The following TERB1 variants were observed in gnomAD, a reference collection of about 807,000 sequenced individuals.
TERB1 encodes the protein telomere repeat binding bouquet formation protein 1, also known as telomere repeats-binding bouquet formation protein 1.
In TERB1, 63 loss-of-function variants were observed where a neutral mutation model predicts 92.3. That is an observed-to-expected ratio of 0.68 (90% confidence interval 0.56 to 0.84). The LOEUF (loss-of-function observed/expected upper bound fraction) is 0.84, where lower values mean the gene tolerates loss of function less well. Among genes scored for constraint, TERB1 ranks in the 40% least tolerant of loss-of-function variants. The probability of loss-of-function intolerance (pLI) is 0.00; values close to 1 mark genes in which losing one functional copy is unlikely to be tolerated. For synonymous variants in TERB1, 252 were observed against 283.9 expected (o/e 0.89, Z 1.13); for missense variants, 709 against 843.7 (o/e 0.84, Z 1.98).
At position 66,775,237 on chromosome 16, in the gene TERB1, T is replaced by C. The variant is rs1232579470; in HGVS notation, c.992A>G (p.Asn331Ser). The C allele has an allele frequency of 1.3e-6, 2 of 1,550,342 alleles. No homozygotes were observed. Among genetic ancestry groups the C allele is most frequent in the Non-Finnish European group, 1.7e-6 (2 of 1,145,994 alleles). The change falls in exon 12 of 19, where the codon AAT (asparagine) becomes AGT (serine). Residue 331 changes from asparagine (N) to serine (S), a missense_variant. Asn to Ser is a conservative substitution (Grantham distance 46). Coordinates refer to ENST00000433154, the MANE Select transcript of TERB1 (RefSeq NM_001136505.2). ...LGHCTEDCEE[N>S]QYDLFKNNGL... ...ATTGTTTTTAAAAAGGTCATACTGA[T>C]TTTCCTCTGGAAAACATAAACAAAG...
chr16:66,799,856 A>G (rs372116435), intron 2 of TERB1, among the ~76,000 whole-genome samples: 2 of 152,328 alleles, frequency 1.3e-5, no homozygotes, highest in East Asian at 3.9e-4. Context: ...AATTTAGTGA[A>G]TATATGTACT....
chr16:66,754,915 T>C lies in TERB1; in HGVS notation c.*61A>G. On this transcript the variant is annotated 3_prime_UTR_variant, in exon 19 of 19. Transcript: ENST00000433154. ...TGAGAGTTTAGAAAAATACTTTAAA[T>C]GTATCTTTCAAGGCACTGTATTTTA... 1 of 1,368,912 alleles carries C rather than the reference T, an allele frequency of 7.3e-7. No individual in the cohort carries two copies. 84.8% of individuals were successfully genotyped at this position (1,368,912 alleles called of 1,614,324 possible).
chr16:66,782,087 CT>C (rs1364319600), intron 9 of TERB1, among the ~76,000 whole-genome samples: 1 of 152,152 alleles, frequency 6.6e-6, no homozygotes. Context: ...TTTTTGTATA[CT>C]GTATAAGGGT....
chr16:66,767,554 G>T (rs573306377), intron 15 of TERB1, 44 bp from the exon 16 acceptor site: 4 of 859,012 alleles, frequency 4.7e-6, no homozygotes, highest in African/African-American at 1.8e-5. Flanking sequence ...TTAATGAAAA[G>T]AATCAGATAT....
Position 66,775,152 on chromosome 16 carries a change from A to C in TERB1, c.1077T>G (p.Ala359=), listed in dbSNP as rs1371583635. Reference sequence around the variant, plus strand: ...TGCAGTTGTGAAGCACAAATGTGGCAGCTTTGTTCAGTTCCTCATTCTGCG... The same window carrying C: ...TGCAGTTGTGAAGCACAAATGTGGCCGCTTTGTTCAGTTCCTCATTCTGCG... The part of the protein sequence containing the change: ...TESQNEELNK[A]ATFVLHNCKK... Residue 359 remains alanine, a synonymous_variant, in exon 12 of 19, where the codon GCT becomes GCG. Coordinates refer to ENST00000433154, the MANE Select transcript of TERB1 (RefSeq NM_001136505.2). The C allele has an allele frequency of 1.3e-6, 2 of 1,551,584 alleles. No homozygotes were observed. Among genetic ancestry groups the C allele is most frequent in the Non-Finnish European group, 1.7e-6 (2 of 1,146,980 alleles).
intron 14 of TERB1, 102 bp from the exon 15 acceptor site, chr16:66,768,270 C>T: frequency 1.2e-6 from 1 of 844,166 alleles, no homozygotes; most frequent in Non-Finnish European, 1.9e-6. Flanking sequence ...GTTTGGTGGG[C>T]AAAAGCAACC....
chr16:66,787,828 G>A (rs1407738515), intron 6 of TERB1, among the ~76,000 whole-genome samples: 1 of 152,186 alleles, frequency 6.6e-6, no homozygotes, highest in East Asian at 1.9e-4. Context: ...GCCGGGAGCA[G>A]TGGCTCACGC....
At chr16:66,799,505 G>A in intron 2 of TERB1, among the ~76,000 whole-genome samples, 1 of 152,152 alleles carries the variant, frequency 6.6e-6, no homozygotes, top group East Asian at 1.9e-4. Flanking sequence ...TGGGGTTACA[G>A]GTGTGAGCCA....
intron 9 of TERB1, among the ~76,000 whole-genome samples, chr16:66,785,123 G>A (rs2018706899): frequency 6.6e-6 from 1 of 151,206 alleles, no homozygotes; most frequent in South Asian, 2.1e-4. Flanking sequence ...GGGCTCACGC[G>A]ATTCTCCTGC....
intron 2 of TERB1, 86 bp downstream of exon 2, chr16:66,800,891 C>T (rs770664678): frequency 6.6e-6 from 1 of 152,304 alleles, no homozygotes; most frequent in Non-Finnish European, 1.5e-5. Context: ...CTCCCAGGTT[C>T]CACAGGTAAC....
At chr16:66,792,501 T>C (rs1448792566) in intron 3 of TERB1, among the ~76,000 whole-genome samples, 2 of 152,246 alleles carry the variant, frequency 1.3e-5, no homozygotes, top group Admixed American at 6.5e-5. Context: ...GCATACAACA[T>C]GATCTTCTAT....
chr16:66,755,529 C>CTT (rs2018123329), intron 18 of TERB1, among the ~76,000 whole-genome samples: 1 of 152,226 alleles, frequency 6.6e-6, no homozygotes, highest in Non-Finnish European at 1.5e-5. Context: ...AATCCCAGCA[C>CTT]TTTGGGAGGC....
chr16:66,793,130 T>C (rs1331911844), intron 3 of TERB1, among the ~76,000 whole-genome samples: 4 of 150,642 alleles, frequency 2.7e-5, no homozygotes, highest in African/African-American at 9.7e-5. Flanking sequence ...GTGGATATAA[T>C]ATAGAGGAGC....
At position 66,755,029 on chromosome 16, in the gene TERB1, G is replaced by T. The variant is rs2018113522; in HGVS notation, c.2131C>A (p.Leu711Ile). 3 of 1,551,358 alleles carry T rather than the reference G, an allele frequency of 1.9e-6. No homozygotes were observed. Among genetic ancestry groups the T allele is most frequent in the Non-Finnish European group, 2.6e-6 (3 of 1,146,964 alleles). ...GTCAGCTTGTGGTATTTGTGAGCAA[G>T]GTCCACAGCCTTCCGTCCTTGCTGA... ...PFQQGRKAVDLAHKYHKLTKH... is the reference protein window; with the variant it reads ...PFQQGRKAVDIAHKYHKLTKH... Residue 711 changes from leucine to isoleucine, a missense_variant, in exon 19 of 19, where the codon CTT becomes ATT. Physicochemically the swap from Leu to Ile is conservative, Grantham distance 5. Transcript: ENST00000433154.
intron 10 of TERB1, among the ~76,000 whole-genome samples, chr16:66,778,569 C>T (rs965536141): frequency 6.6e-6 from 1 of 152,244 alleles, no homozygotes; most frequent in South Asian, 2.1e-4. Context: ...AGGCACCCGC[C>T]ACCACGTTTG....
chr16:66,790,747 C>A (rs997122650), intron 4 of TERB1, 24 bp from the exon 5 acceptor site: 5 of 1,539,874 alleles, frequency 3.2e-6, no homozygotes, highest in African/African-American at 1.4e-5. Flanking sequence ...AGAAAAAAAA[C>A]AAAATAGAAA....
intron 9 of TERB1, among the ~76,000 whole-genome samples, chr16:66,782,699 A>T (rs935125626): frequency 6.6e-6 from 1 of 152,164 alleles, no homozygotes; most frequent in African/African-American, 2.4e-5. Flanking sequence ...GCCCCTTTGC[A>T]TTCCATGTAA....
chr16:66,785,960 A>C (rs1005865375), intron 8 of TERB1, 52 bp from the exon 9 acceptor site: 1 of 1,528,018 alleles, frequency 6.5e-7, no homozygotes, highest in Non-Finnish European at 8.8e-7. Context: ...GGAAAATATC[A>C]GTTTTCATTT....
intron 16 of TERB1, among the ~76,000 whole-genome samples, chr16:66,766,297 T>C (rs116869314): frequency 6.6e-6 from 1 of 152,164 alleles, no homozygotes; most frequent in African/African-American, 2.4e-5. Context: ...AAAAAAGATA[T>C]GAGATTCAGC....
Sources: gnomAD v4.1 joint callset for allele counts (sites outside exome capture counted in the v4.1 genomes callset) on GRCh38, gnomAD v4.1.1 for gene constraint, MANE v1.5 for transcripts, NCBI Gene and HGNC (gene_info 2026-07-23, HGNC 2026-07-21) for gene names.